The following SYNJ2 variants were observed in gnomAD, a reference collection of about 807,000 sequenced individuals.
The protein encoded by SYNJ2 is synaptojanin 2.
Under a neutral mutation model 141.3 loss-of-function variants are expected in SYNJ2, and 116 were observed. The observed-to-expected ratio is 0.82, with a 90% CI of 0.71 to 0.96. The LOEUF (loss-of-function observed/expected upper bound fraction) is 0.96. SYNJ2 is among the 40% of genes least tolerant of loss of function. The probability of loss-of-function intolerance (pLI) is 0.00; values close to 1 mark genes in which losing one functional copy is unlikely to be tolerated. For synonymous variants in SYNJ2, 745 were observed against 777.7 expected, an observed-to-expected ratio of 0.96 and a Z score of 0.70; for missense variants, 1,873 against 1,934.8, an observed-to-expected ratio of 0.97 and a Z score of 0.60.
intron 1 of SYNJ2, among the ~76,000 whole-genome samples, chr6:157,998,397 G>A (rs1777714062): frequency 6.6e-6 from 1 of 152,244 alleles, no homozygotes; most frequent in African/African-American, 2.4e-5. Context: ...CCTGTCCAGA[G>A]GCAATTTGCC....
chr6:158,086,303 T>C (rs1783031490), intron 22 of SYNJ2, among the ~76,000 whole-genome samples: 1 of 152,100 alleles, frequency 6.6e-6, no homozygotes, highest in African/African-American at 2.4e-5. Context: ...CTCAGCCTCT[T>C]GGAAGGTGTG....
Position 158,081,089 on chromosome 6 carries a change from C to T in SYNJ2, c.2568-20C>T, listed in dbSNP as rs1782647171. On this transcript the variant is annotated intron_variant, in intron 18 of 26. Transcript: ENST00000355585. ...ATCTGTCCCAGGCTAACTGTCATCCCTCTTTTGTTCCTAACGCAGACCTGT... is the reference window on the plus strand; with the variant it reads ...ATCTGTCCCAGGCTAACTGTCATCCTTCTTTTGTTCCTAACGCAGACCTGT... The T allele has an allele frequency of 6.2e-7, 1 of 1,612,098 alleles. No individual in the cohort carries two copies. Among genetic ancestry groups the T allele is most frequent in the Non-Finnish European group, 8.5e-7 (1 of 1,179,222 alleles).
At chr6:158,025,949 T>A (rs1281707186) in intron 2 of SYNJ2, among the ~76,000 whole-genome samples, 1 of 151,030 alleles carries the variant, frequency 6.6e-6, no homozygotes. Context: ...TAAAACTCTG[T>A]CTCAAAAAAT....
chr6:158,037,374 C>A (rs1171379976), intron 4 of SYNJ2, among the ~76,000 whole-genome samples: 2 of 151,764 alleles, frequency 1.3e-5, no homozygotes, highest in Non-Finnish European at 2.9e-5. Context: ...CAGGGACCCA[C>A]CCTACTCCAG....
chr6:158,084,148 A>T lies in SYNJ2; in HGVS notation c.3182A>T (p.Lys1061Ile). 2 of 1,613,992 alleles carry T rather than the reference A, an allele frequency of 1.2e-6. No individual in the cohort carries two copies. Among genetic ancestry groups the T allele is most frequent in the Non-Finnish European group, 1.7e-6 (2 of 1,179,966 alleles). Residue 1061 changes from lysine to isoleucine, a missense_variant, in exon 22 of 27, where the codon AAA becomes ATA. Coordinates refer to ENST00000355585, the MANE Select transcript of SYNJ2 (RefSeq NM_003898.4). The surrounding 1 kb of genome is among the most constrained non-coding windows in gnomAD (Gnocchi z 5.0). ...APPSKSPALT[K>I]KKQHPTYKDD... ...CCCAGCAAGTCACCTGCTCTCACCA[A>T]AAAGAAGCAGCATCCAACGTACAAA...
chr6:158,005,632 G>A (rs1446462231), intron 1 of SYNJ2, among the ~76,000 whole-genome samples: 1 of 151,964 alleles, frequency 6.6e-6, no homozygotes, highest in Admixed American at 6.6e-5. Flanking sequence ...CTACCACACG[G>A]GCAGAGCGTA....
intron 3 of SYNJ2, among the ~76,000 whole-genome samples, chr6:158,032,503 G>C (rs1253470663): frequency 6.6e-6 from 1 of 152,186 alleles, no homozygotes; most frequent in African/African-American, 2.4e-5. Flanking sequence ...TAAAGCAAGG[G>C]GGCCAGGCCA....
At chr6:158,038,062 A>G (rs1369651598) in intron 4 of SYNJ2, among the ~76,000 whole-genome samples, 1 of 152,152 alleles carries the variant, frequency 6.6e-6, no homozygotes, top group Non-Finnish European at 1.5e-5. Context: ...CATCTCCTGA[A>G]TCTCCCACCT....
chr6:158,012,245 G>A (rs142279633), intron 1 of SYNJ2, among the ~76,000 whole-genome samples: 270 of 152,322 alleles, frequency 1.8e-3, no homozygotes, highest in African/African-American at 6.3e-3. Flanking sequence ...GGGCTGGAAG[G>A]CCCACATCCT....
Position 158,068,709 on chromosome 6 carries a change from G to A in SYNJ2, c.1780G>A (p.Gly594Arg). 1 of 1,614,200 alleles carries A rather than the reference G, an allele frequency of 6.2e-7. No homozygotes were observed. Among genetic ancestry groups the A allele is most frequent in the Non-Finnish European group, 8.5e-7 (1 of 1,180,044 alleles). The change falls in exon 13 of 27, where the codon GGG (glycine) becomes AGG (arginine). Residue 594 changes from glycine (G) to arginine (R), a missense_variant. Physicochemically the swap from Gly to Arg is moderately radical, Grantham distance 125. Coordinates refer to ENST00000355585, the MANE Select transcript of SYNJ2 (RefSeq NM_003898.4). ...TGAAGAGATGGTGGAATTGAGCGCA[G>A]GGAATATTGTCAATGCCAGGTAAGG... ...GFEEMVELSAGNIVNASTTNK... is the reference protein window; with the variant it reads ...GFEEMVELSARNIVNASTTNK...
At chr6:158,010,862 G>A (rs1191346897) in intron 1 of SYNJ2, among the ~76,000 whole-genome samples, 2 of 150,552 alleles carry the variant, frequency 1.3e-5, no homozygotes, top group Non-Finnish European at 3.0e-5. Context: ...GGGATGTCAG[G>A]AGAGGATGGC....
chr6:158,016,720 G>A (rs550980330), intron 1 of SYNJ2, among the ~76,000 whole-genome samples: 1 of 152,114 alleles, frequency 6.6e-6, no homozygotes, highest in Non-Finnish European at 1.5e-5. Context: ...GGCAGGCAAG[G>A]CACGCAGCTT....
chr6:157,987,523 T>C lies in SYNJ2; in HGVS notation c.127+5435T>C, dbSNP rs551512214. ...TTCAAGCGATTCTCCTGCCTCAGCC[T>C]CCTGAGTAGCTGGGACTACAGGCGC... On this transcript the variant is annotated intron_variant, in intron 1 of 26. Coordinates refer to ENST00000355585, the MANE Select transcript of SYNJ2 (RefSeq NM_003898.4). 7.9e-5 allele frequency among the ~76,000 whole-genome samples: 12 copies of C among 152,272 alleles called. 1 individual carries two copies. Among genetic ancestry groups the C allele is most frequent in the African/African-American group, 2.4e-4 (10 of 41,532 alleles).
At chr6:157,983,134 C>T (rs750131526) in intron 1 of SYNJ2, among the ~76,000 whole-genome samples, 1 of 152,218 alleles carries the variant, frequency 6.6e-6, no homozygotes, top group East Asian at 1.9e-4. Context: ...TTTGTAGATG[C>T]CTCTAGCCTT....
At chr6:157,988,606 T>C (rs185743604) in intron 1 of SYNJ2, among the ~76,000 whole-genome samples, 1 of 152,296 alleles carries the variant, frequency 6.6e-6, no homozygotes, top group East Asian at 1.9e-4. Context: ...GCTTTTTGGC[T>C]GCTCAGTTTC....
At chr6:157,996,069 AC>A (rs1412364354) in intron 1 of SYNJ2, among the ~76,000 whole-genome samples, 1 of 152,200 alleles carries the variant, frequency 6.6e-6, no homozygotes, top group African/African-American at 2.4e-5. Flanking sequence ...TTAAATTCCA[AC>A]AAGAGCCTGG....
chr6:157,993,983 T>C (rs1451219481), intron 1 of SYNJ2, among the ~76,000 whole-genome samples: 16 of 151,296 alleles, frequency 1.1e-4, no homozygotes, highest in African/African-American at 3.9e-4. Flanking sequence ...CCTGGCTAAT[T>C]TTTTGTATTT....
In SYNJ2 at chr6:158,070,075, C is replaced by G. The variant is rs934222197; in HGVS notation, c.1940+402C>G. The G allele has an allele frequency of 2.3e-6, 2 of 854,380 alleles. No homozygotes were observed. Among genetic ancestry groups the G allele is most frequent in the Non-Finnish European group, 2.8e-6 (2 of 709,178 alleles). The allele number at this position is 854,380 out of a possible 1,614,324, so 52.9% of individuals were successfully genotyped here. Reference sequence around the variant, plus strand: ...AAGAATTCTAAGTAGAACGTGTGGGCCTCTACAACTGTGACCTCATTGTCA... The same window carrying G: ...AAGAATTCTAAGTAGAACGTGTGGGGCTCTACAACTGTGACCTCATTGTCA... On this transcript the variant is annotated intron_variant, in intron 14 of 26. Transcript: ENST00000355585. This position sits in a 1 kb window ranked among gnomAD's most constrained non-coding sequence, Gnocchi z 4.0.
intron 16 of SYNJ2, 47 bp from the exon 17 acceptor site, chr6:158,076,579 A>G (rs376960106): frequency 6.3e-6 from 10 of 1,577,838 alleles, no homozygotes; most frequent in Admixed American, 1.8e-5. Flanking sequence ...TATAACATTC[A>G]GGATCGAAAA....
Sources: gnomAD v4.1 joint callset for allele counts (sites outside exome capture counted in the v4.1 genomes callset) on GRCh38, gnomAD v4.1.1 for gene constraint, Gnocchi (gnomAD v3.1) non-coding constraint, MANE v1.5 for transcripts, NCBI Gene and HGNC (gene_info 2026-07-23, HGNC 2026-07-21) for gene names.